The following CENPP variants were observed in gnomAD, a reference collection of about 807,000 sequenced individuals.
The protein encoded by CENPP is centromere protein P.
A neutral mutation model predicts 35.6 loss-of-function variants in CENPP; 24 were observed. That is an observed-to-expected ratio of 0.67 (90% CI 0.49 to 0.95). The LOEUF (loss-of-function observed/expected upper bound fraction) is 0.95. Among genes scored for constraint, CENPP ranks in the 40% least tolerant of loss-of-function variants. The probability of loss-of-function intolerance (pLI) is 0.00; values close to 1 mark genes in which losing one functional copy is unlikely to be tolerated. For missense variants in CENPP, 332 were observed against 345.3 expected, an observed-to-expected ratio of 0.96 and a Z score of 0.31; for synonymous variants, 120 against 125.5, an observed-to-expected ratio of 0.96 and a Z score of 0.29.
At chr9:92,522,578 G>A (rs757720678) in intron 5 of CENPP, 1 of 1,607,572 alleles carries the variant, frequency 6.2e-7, no homozygotes, top group African/African-American at 1.3e-5. Context: ...CTCTTACCTG[G>A]TAACACATTA....
At chr9:92,477,344 G>T (rs77753461) in intron 5 of CENPP, among the ~76,000 whole-genome samples, 3,073 of 152,234 alleles carry the variant, frequency 0.02, 117 homozygotes, top group African/African-American at 0.069. Context: ...TAGGGCTGTT[G>T]TGTGGCTCCT....
intron 5 of CENPP, among the ~76,000 whole-genome samples, chr9:92,558,594 A>G (rs1009678900): frequency 2.0e-5 from 3 of 152,030 alleles, no homozygotes; most frequent in Non-Finnish European, 4.4e-5. Context: ...TGATTTAATT[A>G]TCTATTTTTG....
intron 5 of CENPP, among the ~76,000 whole-genome samples, chr9:92,411,938 T>C (rs1477137621): frequency 1.3e-5 from 2 of 152,182 alleles, no homozygotes; most frequent in Non-Finnish European, 2.9e-5. Context: ...CACTGCCGCT[T>C]TAGCATTTTA....
intron 4 of CENPP, among the ~76,000 whole-genome samples, chr9:92,360,379 A>G (rs746050762): frequency 1.3e-5 from 2 of 152,166 alleles, no homozygotes; most frequent in African/African-American, 4.8e-5. Flanking sequence ...AGTCTGAGCA[A>G]CAAAGGAAGA....
At chr9:92,486,336 G>A (rs1206379768) in intron 5 of CENPP, among the ~76,000 whole-genome samples, 1 of 152,194 alleles carries the variant, frequency 6.6e-6, no homozygotes. Context: ...CCTCATGGTG[G>A]ACTAGGCACT....
chr9:92,472,336 G>A (rs1486976374), intron 5 of CENPP, among the ~76,000 whole-genome samples: 2 of 151,462 alleles, frequency 1.3e-5, no homozygotes, highest in Non-Finnish European at 2.9e-5. Context: ...CAGCCTGGGT[G>A]ACAGAGTGAG....
intron 5 of CENPP, among the ~76,000 whole-genome samples, chr9:92,566,278 C>T (rs147127424): frequency 1.4e-3 from 213 of 149,294 alleles, no homozygotes; most frequent in South Asian, 5.5e-3. Context: ...CCAGCGTGGG[C>T]GACAGAGTGA....
intron 5 of CENPP, chr9:92,502,429 C>T (rs1246758028): frequency 6.6e-7 from 1 of 1,510,566 alleles, no homozygotes; most frequent in African/African-American, 1.4e-5. Flanking sequence ...CCTCACTTAT[C>T]CCATTCCCAG....
intron 2 of CENPP, among the ~76,000 whole-genome samples, chr9:92,333,301 G>C (rs1840814906): frequency 6.6e-6 from 1 of 152,216 alleles, no homozygotes; most frequent in African/African-American, 2.4e-5. Flanking sequence ...AGCCACTGCA[G>C]GGAGACTGAA....
chr9:92,368,075 C>T (rs956102177), intron 4 of CENPP, among the ~76,000 whole-genome samples: 22 of 152,026 alleles, frequency 1.4e-4, no homozygotes, highest in Non-Finnish European at 5.9e-5. Context: ...ATGTTTTTTA[C>T]TGTTAAGTTC....
chr9:92,343,785 A>AT (rs1232300904), intron 3 of CENPP, among the ~76,000 whole-genome samples: 4 of 152,010 alleles, frequency 2.6e-5, no homozygotes, highest in East Asian at 1.9e-4. Context: ...GTCTCTAAAA[A>AT]ATATATATTT....
intron 5 of CENPP, among the ~76,000 whole-genome samples, chr9:92,567,471 G>A (rs1850025223): frequency 6.7e-6 from 1 of 149,022 alleles, no homozygotes; most frequent in Admixed American, 6.7e-5. Context: ...ATTTCTTTGT[G>A]TTAGCAACAT....
intron 5 of CENPP, among the ~76,000 whole-genome samples, chr9:92,538,211 G>A (rs983243490): frequency 3.9e-5 from 6 of 152,156 alleles, no homozygotes; most frequent in Non-Finnish European, 7.4e-5. Context: ...AACAAAGTGG[G>A]CTTACCATAA....
rs1312181470 is a variant in CENPP, at chr9:92,593,701, G to GTT, written c.565-17611_565-17610dup. Among the ~76,000 whole-genome samples the GTT allele has an allele frequency of 6.6e-6, 1 of 152,168 alleles. No individual in the cohort carries two copies. The highest frequency in any genetic ancestry group is 2.4e-5 in the African/African-American group (1 of 41,438). The stretch of plus-strand genomic sequence containing the variant: ...CAGTGATTAGAGTTTGGCAGAGCTG[G>GTT]TTTATGTGGTCTGTGGCCAGACTAC... On this transcript the variant is annotated intron_variant, in intron 5 of 7. Transcript: ENST00000375587. This position sits in a 1 kb window ranked among gnomAD's most constrained non-coding sequence, Gnocchi z 4.1.
chr9:92,428,091 A>G (rs1844014386), intron 5 of CENPP, among the ~76,000 whole-genome samples: 1 of 152,202 alleles, frequency 6.6e-6, no homozygotes, highest in African/African-American at 2.4e-5. Flanking sequence ...GGGCAGCCCT[A>G]TAGAAACAGT....
At chr9:92,344,318 A>C (rs72752403) in intron 3 of CENPP, among the ~76,000 whole-genome samples, 4,666 of 152,160 alleles carry the variant, frequency 0.031, 112 homozygotes, top group South Asian at 0.079. Flanking sequence ...AAAAGCTGAA[A>C]TCTAACATGT....
intron 4 of CENPP, among the ~76,000 whole-genome samples, chr9:92,371,938 T>G (rs1842015182): frequency 6.9e-6 from 1 of 144,876 alleles, no homozygotes; most frequent in African/African-American, 2.5e-5. Flanking sequence ...CAATCCTGGC[T>G]CACTGCAAGC....
At chr9:92,524,085 A>G (rs1046746555) in intron 5 of CENPP, among the ~76,000 whole-genome samples, 2 of 152,038 alleles carry the variant, frequency 1.3e-5, no homozygotes, top group Non-Finnish European at 2.9e-5. Context: ...TACTTGGGAG[A>G]TTTCTCTCCA....
intron 4 of CENPP, among the ~76,000 whole-genome samples, chr9:92,355,083 A>G (rs868402494): frequency 6.6e-6 from 1 of 152,198 alleles, no homozygotes; most frequent in African/African-American, 2.4e-5. Flanking sequence ...CGGTGCACAT[A>G]TTGTCTTGAT....
Sources: gnomAD v4.1 joint callset for allele counts (sites outside exome capture counted in the v4.1 genomes callset) on GRCh38, gnomAD v4.1.1 for gene constraint, Gnocchi (gnomAD v3.1) non-coding constraint, MANE v1.5 for transcripts, NCBI Gene and HGNC (gene_info 2026-07-23, HGNC 2026-07-21) for gene names.